The following PCDHGA8 variants were observed in gnomAD, a reference collection of about 807,000 sequenced individuals.
The protein encoded by PCDHGA8 is protocadherin gamma subfamily A, 8, also known as protocadherin gamma-A8.
Under a neutral mutation model 59.2 loss-of-function variants are expected in PCDHGA8, and 45 were observed. The ratio of observed to expected loss-of-function variants is 0.76; its 90% CI spans 0.60 to 0.98. The LOEUF (loss-of-function observed/expected upper bound fraction) is 0.98, where lower values mean the gene tolerates loss of function less well. PCDHGA8 is among the 50% of genes least tolerant of loss of function. PCDHGA8 has a pLI of 0.00. For synonymous variants in PCDHGA8, 531 were observed against 519.0 expected (o/e 1.02, Z -0.32); for missense variants, 1,257 against 1,196.2 (o/e 1.05, Z -0.75).
At chr5:141,421,225 G>A in intron 1 of PCDHGA8, 1 of 1,584,302 alleles carries the variant, frequency 6.3e-7, no homozygotes. Flanking sequence ...CTTAGAGCCT[G>A]CCATGGCGAA....
chr5:141,498,390 T>C (rs2099783500), intron 2 of PCDHGA8, among the ~76,000 whole-genome samples: 1 of 151,982 alleles, frequency 6.6e-6, no homozygotes, highest in Non-Finnish European at 1.5e-5. Context: ...ATCAAGGGAA[T>C]GGCAGGGAGT....
At chr5:141,415,182 C>A (rs2095840318) in intron 1 of PCDHGA8, 1 of 1,613,842 alleles carries the variant, frequency 6.2e-7, no homozygotes, top group Admixed American at 1.7e-5. Flanking sequence ...TGGCCGTGGC[C>A]GACAGCATCC....
chr5:141,441,852 G>T (rs1169073404), intron 1 of PCDHGA8: 2 of 352,708 alleles, frequency 5.7e-6, no homozygotes, highest in African/African-American at 2.2e-5. Flanking sequence ...TGGATATGGT[G>T]CTGCACGCCG....
rs560582745 is a variant in PCDHGA8 at position 141,399,792 on chromosome 5, A to C, written c.2424+4555A>C. On this transcript the variant is annotated intron_variant, in intron 1 of 3. Transcript: ENST00000398604. ...TGGTGGGCGACCGAAACGACAACGCACCGCGGGTGCTGTACCCCGCGCTGG... is the reference window on the plus strand; with the variant it reads ...TGGTGGGCGACCGAAACGACAACGCCCCGCGGGTGCTGTACCCCGCGCTGG... 8 of 1,613,146 alleles carry C rather than the reference A, an allele frequency of 5.0e-6. No homozygotes were observed. The South Asian group carries it at 8.8e-5, about 18-fold the overall frequency.
rs17097294 is a variant in PCDHGA8 at position 141,425,513 on chromosome 5, T to G, written c.2424+30276T>G. On this transcript the variant is annotated intron_variant, in intron 1 of 3. Coordinates refer to ENST00000398604, the MANE Select transcript of PCDHGA8 (RefSeq NM_032088.2). ...AGGCTATACCTTTATATTCTCTTTA[T>G]GATGAAACATGAAACAATAATCCTT... Among the ~76,000 whole-genome samples, 699 of 152,380 alleles carry G rather than the reference T, an allele frequency of 4.6e-3. 4 individuals carry two copies. The highest frequency in any genetic ancestry group is 0.015 in the African/African-American group (636 of 41,592).
chr5:141,502,242 CT>C (rs989546500), intron 2 of PCDHGA8, among the ~76,000 whole-genome samples: 27 of 151,950 alleles, frequency 1.8e-4, no homozygotes, highest in African/African-American at 6.3e-4. Context: ...TTCTTTTATC[CT>C]TTTTTTTAAT....
At chr5:141,438,303 T>G (rs2097949191) in intron 1 of PCDHGA8, among the ~76,000 whole-genome samples, 1 of 152,068 alleles carries the variant, frequency 6.6e-6, no homozygotes, top group African/African-American at 2.4e-5. Flanking sequence ...TAAAAGAAGT[T>G]GGTACCACCA....
chr5:141,478,774 G>T (rs1019315910), intron 1 of PCDHGA8: 1 of 1,496,268 alleles, frequency 6.7e-7, no homozygotes, highest in African/African-American at 1.4e-5. Flanking sequence ...ACTCATCTGT[G>T]GACCTAATTC....
rs370995300 is a variant in PCDHGA8, at chr5:141,399,359, C to T, written c.2424+4122C>T. ...GATGGAACCCTAGACCGAGAGCAAACCCCGGAGTACAATGTCACCATCACA... is the reference window on the plus strand; with the variant it reads ...GATGGAACCCTAGACCGAGAGCAAATCCCGGAGTACAATGTCACCATCACA... On this transcript the variant is annotated intron_variant, in intron 1 of 3. Coordinates refer to ENST00000398604, the MANE Select transcript of PCDHGA8 (RefSeq NM_032088.2). 2.6e-4 allele frequency: 427 copies of T among 1,613,884 alleles called. No individual in the cohort carries two copies. The highest frequency in any genetic ancestry group is 1.2e-4 in the Non-Finnish European group (140 of 1,179,916).
At position 141,487,329 on chromosome 5, in the gene PCDHGA8, C is replaced by T; in HGVS notation, c.2425-7478C>T. On this transcript the variant is annotated intron_variant, in intron 1 of 3. Coordinates refer to ENST00000398604, the MANE Select transcript of PCDHGA8 (RefSeq NM_032088.2). This position sits in a 1 kb window ranked among gnomAD's most constrained non-coding sequence, Gnocchi z 5.0. Reference sequence around the variant, plus strand: ...CTACTCTCTAAGTGTCTTCGTGGGGCAGCCTGTGGAGTCACATGCTTTCCT... The same window carrying T: ...CTACTCTCTAAGTGTCTTCGTGGGGTAGCCTGTGGAGTCACATGCTTTCCT... 1 of 1,614,170 alleles carries T rather than the reference C, an allele frequency of 6.2e-7. No homozygotes were observed. The highest frequency in any genetic ancestry group is 1.1e-5 in the South Asian group (1 of 91,070).
chr5:141,392,644 A>C lies in PCDHGA8; in HGVS notation c.-170A>C. On this transcript the variant is annotated 5_prime_UTR_variant, in exon 1 of 4. Transcript: ENST00000398604. ...AACACTCAGATCTCACACCTCACGAAGACCCGCAGATGCCACAAACTAACT... is the reference window on the plus strand; with the variant it reads ...AACACTCAGATCTCACACCTCACGACGACCCGCAGATGCCACAAACTAACT... 1.5e-6 allele frequency: 1 copy of C among 663,560 alleles called. No individual in the cohort carries two copies. Among genetic ancestry groups the C allele is most frequent in the Non-Finnish European group, 2.4e-6 (1 of 413,774 alleles). 41.1% of individuals were successfully genotyped at this position (663,560 alleles called of 1,614,324 possible). A position where few individuals can be genotyped will look rare whatever the true frequency, so the allele number is the denominator to read the frequency against.
Position 141,489,322 on chromosome 5 carries a change from T to C in PCDHGA8, c.2425-5485T>C. The C allele has an allele frequency of 6.2e-7, 1 of 1,601,052 alleles. No individual in the cohort carries two copies. Among genetic ancestry groups the C allele is most frequent in the Non-Finnish European group, 8.5e-7 (1 of 1,172,658 alleles). ...GTCCTTGTGCTGCTGGGGCTGGGTGTCTGGGCAGCTTCGTTACTCAGTGGT... is the reference window on the plus strand; with the variant it reads ...GTCCTTGTGCTGCTGGGGCTGGGTGCCTGGGCAGCTTCGTTACTCAGTGGT... On this transcript the variant is annotated intron_variant, in intron 1 of 3. Coordinates refer to ENST00000398604, the MANE Select transcript of PCDHGA8 (RefSeq NM_032088.2). The surrounding 1 kb of genome is among the most constrained non-coding windows in gnomAD (Gnocchi z 4.5).
intron 1 of PCDHGA8, chr5:141,415,556 CTT>C: frequency 6.2e-7 from 1 of 1,614,078 alleles, no homozygotes; most frequent in Non-Finnish European, 8.5e-7. Context: ...AAAAACGATC[CTT>C]TGTCTTTGTT....
At chr5:141,398,415 C>T (rs2093654537) in intron 1 of PCDHGA8, 2 of 1,487,146 alleles carry the variant, frequency 1.3e-6, no homozygotes, top group Non-Finnish European at 1.9e-6. Context: ...AGGAGATATG[C>T]GGGAAGAAGC....
At chr5:141,415,824 CT>C (rs1412807947) in intron 1 of PCDHGA8, 8 of 1,306,364 alleles carry the variant, frequency 6.1e-6, no homozygotes, top group Non-Finnish European at 7.8e-6. Flanking sequence ...TATCATAAGG[CT>C]TTGTTATGAT....
At chr5:141,473,272 A>G (rs2099318396) in intron 1 of PCDHGA8, among the ~76,000 whole-genome samples, 1 of 152,182 alleles carries the variant, frequency 6.6e-6, no homozygotes, top group African/African-American at 2.4e-5. Flanking sequence ...GTATGCTATG[A>G]TTATTTTACT....
rs771804151 is a variant in PCDHGA8, at chr5:141,486,704, A to G, written c.2425-8103A>G. On this transcript the variant is annotated intron_variant, in intron 1 of 3. Coordinates refer to ENST00000398604, the MANE Select transcript of PCDHGA8 (RefSeq NM_032088.2). The surrounding 1 kb of genome is among the most constrained non-coding windows in gnomAD (Gnocchi z 5.0). ...ATCAGCTTCCTCTTTCATCTCTCTG[A>G]ACCCCCAGACAGGAGCTGTTCATGC... 2.2e-5 allele frequency: 35 copies of G among 1,614,016 alleles called. No homozygotes were observed. Among genetic ancestry groups the G allele is most frequent in the Non-Finnish European group, 2.7e-5 (32 of 1,180,032 alleles).
chr5:141,490,106 T>C lies in PCDHGA8; in HGVS notation c.2425-4701T>C, dbSNP rs1314489019. On this transcript the variant is annotated intron_variant, in intron 1 of 3. Coordinates refer to ENST00000398604, the MANE Select transcript of PCDHGA8 (RefSeq NM_032088.2). The surrounding 1 kb of genome is among the most constrained non-coding windows in gnomAD (Gnocchi z 5.4). ...TTTGGAGACCACACATCTGAGGCAG[T>C]GCGGAACCTCTTTGGCCTAGACCCT... 2.5e-6 allele frequency: 4 copies of C among 1,614,246 alleles called. No homozygotes were observed. Among genetic ancestry groups the C allele is most frequent in the South Asian group, 1.1e-5 (1 of 91,086 alleles).
chr5:141,427,960 G>T (rs759698390), intron 1 of PCDHGA8: 2 of 1,589,168 alleles, frequency 1.3e-6, no homozygotes, highest in Non-Finnish European at 1.7e-6. Context: ...AATGTGCCGC[G>T]GGTGCTGTAC....
Sources: allele counts gnomAD v4.1 joint callset (sites outside exome capture counted in the v4.1 genomes callset), GRCh38; gene constraint gnomAD v4.1.1; non-coding constraint Gnocchi (gnomAD v3.1); transcripts MANE v1.5; gene names NCBI Gene and HGNC (gene_info 2026-07-23, HGNC 2026-07-21).